Variants in PRKCA observed in about 807,000 individuals in gnomAD.
PRKCA encodes the protein protein kinase C alpha type.
A neutral mutation model predicts 87.0 loss-of-function variants in PRKCA; 27 were observed. The observed-to-expected ratio is 0.31, with a 90% CI of 0.23 to 0.43. The LOEUF (loss-of-function observed/expected upper bound fraction) is 0.43. PRKCA is among the 20% of genes least tolerant of loss of function. PRKCA has a pLI of 1.00. For missense variants in PRKCA, 518 were observed against 852.3 expected (o/e 0.61, Z 4.88); for synonymous variants, 329 against 311.1 (o/e 1.06, Z -0.61).
At chr17:66,524,239 G>C (rs16959512) in intron 3 of PRKCA, among the ~76,000 whole-genome samples, 1 of 152,142 alleles carries the variant, frequency 6.6e-6, no homozygotes, top group Non-Finnish European at 1.5e-5. Context: ...TACTCTGTAA[G>C]GGGCATTGTT....
intron 3 of PRKCA, among the ~76,000 whole-genome samples, chr17:66,547,836 C>T (rs550419742): frequency 7.9e-5 from 12 of 152,330 alleles, no homozygotes; most frequent in African/African-American, 2.9e-4. Flanking sequence ...AAGAAACCAT[C>T]TTACGGCTTT....
At chr17:66,737,169 G>A (rs544863488) in intron 10 of PRKCA, among the ~76,000 whole-genome samples, 8 of 149,296 alleles carry the variant, frequency 5.4e-5, no homozygotes, top group African/African-American at 1.5e-4. Flanking sequence ...TGGCTAACAC[G>A]GTGAAACCCC....
Position 66,419,593 on chromosome 17 carries a change from A to G in PRKCA, c.206-76608A>G, listed in dbSNP as rs1372089058. On this transcript the variant is annotated intron_variant, in intron 2 of 16. Transcript: ENST00000413366. ...GCCCTGGTCAAGTACAAATGTACAC[A>G]TCAAAATGCCCATATTGTATCTGTC... 2.0e-5 allele frequency among the ~76,000 whole-genome samples: 3 copies of G among 152,322 alleles called. No homozygotes were observed. The South Asian group carries it at 6.2e-4, about 32-fold the overall frequency.
intron 2 of PRKCA, among the ~76,000 whole-genome samples, chr17:66,476,399 G>C (rs1309670270): frequency 6.6e-6 from 1 of 152,170 alleles, no homozygotes; most frequent in Non-Finnish European, 1.5e-5. Flanking sequence ...GGTCAAGCTG[G>C]GTTTCCCGAT....
At chr17:66,521,447 A>G (rs1967157905) in intron 3 of PRKCA, among the ~76,000 whole-genome samples, 1 of 152,210 alleles carries the variant, frequency 6.6e-6, no homozygotes, top group South Asian at 2.1e-4. Context: ...TTAATTCTCA[A>G]TTGCTTTTCA....
intron 3 of PRKCA, among the ~76,000 whole-genome samples, chr17:66,640,591 T>C (rs1441102205): frequency 6.6e-6 from 1 of 152,172 alleles, no homozygotes; most frequent in African/African-American, 2.4e-5. Flanking sequence ...TTTCGCAGTG[T>C]ATTGTATTTC....
chr17:66,671,209 C>CAA (rs778507190), intron 5 of PRKCA, among the ~76,000 whole-genome samples: 765 of 48,174 alleles, frequency 0.016, 75 homozygotes, highest in African/African-American at 0.057. Flanking sequence ...AGACTCATCT[C>CAA]AAAAAAAAAA....
Position 66,804,512 on chromosome 17 carries a change from G to C in PRKCA, c.*475G>C, listed in dbSNP as rs538416119. ...GAGCAGGGAGGGATTGGGGGTGGGG[G>C]AGGCCTCAAAATACCGACTGCGTCC... On this transcript the variant is annotated 3_prime_UTR_variant, in exon 17 of 17. Transcript: ENST00000413366. 6.5e-6 allele frequency: 1 copy of C among 153,884 alleles called. No homozygotes were observed. Among genetic ancestry groups the C allele is most frequent in the South Asian group, 2.1e-4 (1 of 4,854 alleles). 9.5% of individuals were successfully genotyped at this position (153,884 alleles called of 1,614,324 possible).
intron 13 of PRKCA, among the ~76,000 whole-genome samples, chr17:66,744,953 A>C (rs1397694045): frequency 6.6e-6 from 1 of 152,164 alleles, no homozygotes; most frequent in Non-Finnish European, 1.5e-5. Flanking sequence ...TGTCTTTTCC[A>C]ACTACAACCC....
chr17:66,640,482 T>G (rs1002261945), intron 3 of PRKCA, among the ~76,000 whole-genome samples: 1 of 152,220 alleles, frequency 6.6e-6, no homozygotes, highest in Non-Finnish European at 1.5e-5. Flanking sequence ...TTTACGATTT[T>G]CATCTGACCA....
chr17:66,607,512 A>G (rs1970244462), intron 3 of PRKCA, among the ~76,000 whole-genome samples: 1 of 152,240 alleles, frequency 6.6e-6, no homozygotes, highest in Non-Finnish European at 1.5e-5. Context: ...GTTTTGGTCC[A>G]GTTTAGAAAA....
At chr17:66,669,406 T>C (rs1307242345) in intron 5 of PRKCA, among the ~76,000 whole-genome samples, 1 of 151,196 alleles carries the variant, frequency 6.6e-6, no homozygotes, top group East Asian at 1.9e-4. Flanking sequence ...AAAACCATGG[T>C]GATGAAAGAG....
intron 13 of PRKCA, among the ~76,000 whole-genome samples, chr17:66,744,776 A>T (rs538512103): frequency 2.6e-5 from 4 of 152,306 alleles, no homozygotes; most frequent in Admixed American, 2.0e-4. Flanking sequence ...AATCAGCCTC[A>T]CTGGACTAAA....
intron 2 of PRKCA, among the ~76,000 whole-genome samples, chr17:66,342,412 A>G (rs1907088431): frequency 6.7e-6 from 1 of 149,324 alleles, no homozygotes. Context: ...GCAGAGTGAG[A>G]CTCCATCTCA....
chr17:66,707,725 T>C (rs1241456683), intron 8 of PRKCA, among the ~76,000 whole-genome samples: 1 of 152,142 alleles, frequency 6.6e-6, no homozygotes, highest in Non-Finnish European at 1.5e-5. Flanking sequence ...CTAAGGGATA[T>C]GAGACCTTGT....
At chr17:66,679,957 G>C (rs2143996750) in intron 5 of PRKCA, among the ~76,000 whole-genome samples, 1 of 152,282 alleles carries the variant, frequency 6.6e-6, no homozygotes, top group South Asian at 2.1e-4. Flanking sequence ...TTAATTTATG[G>C]ATCTAAAGTC....
At chr17:66,363,849 C>T (rs368074366) in intron 2 of PRKCA, among the ~76,000 whole-genome samples, 31 of 152,134 alleles carry the variant, frequency 2.0e-4, no homozygotes, top group Non-Finnish European at 3.7e-4. Context: ...ACTACAGGCG[C>T]GTGCCACCAT....
chr17:66,560,639 A>G (rs562473379), intron 3 of PRKCA, among the ~76,000 whole-genome samples: 147 of 152,272 alleles, frequency 9.7e-4, no homozygotes, highest in African/African-American at 3.4e-3. Context: ...GACTCAAAGG[A>G]GATAATGTAC....
chr17:66,514,983 C>T (rs80100724), intron 3 of PRKCA, among the ~76,000 whole-genome samples: 6,323 of 152,054 alleles, frequency 0.042, 398 homozygotes, highest in African/African-American at 0.14. Flanking sequence ...TGGCCGGGTG[C>T]GGTGGCTCAC....
Sources: allele counts gnomAD v4.1 joint callset (sites outside exome capture counted in the v4.1 genomes callset), GRCh38; gene constraint gnomAD v4.1.1; transcripts MANE v1.5; gene names NCBI Gene and HGNC (gene_info 2026-07-23, HGNC 2026-07-21).